The following METRN variants were observed in gnomAD, a reference collection of about 807,000 sequenced individuals.
The protein encoded by METRN is meteorin.
METRN carries 17 observed loss-of-function variants against 17.4 expected under a neutral mutation model. That is an observed-to-expected ratio of 0.98 (90% confidence interval 0.67 to 1.46). METRN has a LOEUF of 1.46. Among genes scored for constraint, METRN ranks in the 40% most tolerant of loss-of-function variants. The pLI, the probability that METRN is intolerant of heterozygous loss-of-function variation, is 0.00. For synonymous variants in METRN, 230 were observed against 210.8 expected (o/e 1.09, Z -0.79); for missense variants, 489 against 456.2 (o/e 1.07, Z -0.65).
In METRN at chr16:718,054, C is replaced by T. The variant is rs1349802402; in HGVS notation, c.*667C>T. 1.3e-5 allele frequency: 2 copies of T among 152,334 alleles called. No individual in the cohort carries two copies. Among genetic ancestry groups the T allele is most frequent in the Non-Finnish European group, 2.9e-5 (2 of 68,110 alleles). 9.4% of individuals were successfully genotyped at this position (152,334 alleles called of 1,614,324 possible). ...CCCTTCGACGTGCTGAGCATCCAGA[C>T]GTGGCGAGGAGCCCGAAGGGTGTGG... On this transcript the variant is annotated 3_prime_UTR_variant, in exon 4 of 4. Coordinates refer to ENST00000568223, the MANE Select transcript of METRN (RefSeq NM_024042.4).
rs1011485123 is a variant in METRN at position 715,609 on chromosome 16, GTGGGGCAGCTGGCCC to G, written c.134_148del (p.Gly45_Leu49del). The G allele has an allele frequency of 2.9e-6, 4 of 1,402,602 alleles. No individual in the cohort carries two copies. The African/African-American group carries it at 6.0e-5, about 21-fold the overall frequency. 86.9% of individuals were successfully genotyped at this position (1,402,602 alleles called of 1,614,324 possible). A position where few individuals can be genotyped will look rare whatever the true frequency, so the allele number is the denominator to read the frequency against. ...CGGCCTCACCCAGGAGCCCGGCAGC[GTGGGGCAGCTGGCCC>G]TGGCCTGTGCGGAGGGCGCGGTTGA... is the stretch of plus-strand genomic sequence containing the variant. On this transcript the variant is annotated inframe_deletion, in exon 2 of 4. Coordinates refer to ENST00000568223, the MANE Select transcript of METRN (RefSeq NM_024042.4).
rs933325060 is a variant in METRN, at chr16:715,460, C to T, written c.104+67C>T. 2.2e-5 allele frequency: 28 copies of T among 1,255,952 alleles called. No individual in the cohort carries two copies. In the East Asian group the frequency reaches 6.8e-4, roughly 30 times the overall value. 77.8% of individuals were successfully genotyped at this position (1,255,952 alleles called of 1,614,324 possible). Reference sequence around the variant, plus strand: ...GCTGCGGCTAGGACCCCCCAGGCGCCCCTCGGAGCGCGCAGAGCGCTGGGC... The same window carrying T: ...GCTGCGGCTAGGACCCCCCAGGCGCTCCTCGGAGCGCGCAGAGCGCTGGGC... On this transcript the variant is annotated intron_variant, in intron 1 of 3. Transcript: ENST00000568223.
In METRN at chr16:718,758, C is replaced by T. The variant is rs557604689; in HGVS notation, c.*1371C>T. On this transcript the variant is annotated 3_prime_UTR_variant, in exon 4 of 4. Coordinates refer to ENST00000568223, the MANE Select transcript of METRN (RefSeq NM_024042.4). Reference sequence around the variant, plus strand: ...GGGGGTTCTCCCACCTTCTGCCCCTCCTCAGGTTCCTTGCTGCTTCTCTCC... The same window carrying T: ...GGGGGTTCTCCCACCTTCTGCCCCTTCTCAGGTTCCTTGCTGCTTCTCTCC... 1.3e-5 allele frequency: 2 copies of T among 152,604 alleles called. No individual in the cohort carries two copies. Among genetic ancestry groups the T allele is most frequent in the South Asian group, 2.1e-4 (1 of 4,836 alleles). 9.5% of individuals were successfully genotyped at this position (152,604 alleles called of 1,614,324 possible). A position where few individuals can be genotyped will look rare whatever the true frequency, so the allele number is the denominator to read the frequency against.
chr16:717,280 T>C lies in METRN; in HGVS notation c.775T>C (p.Phe259Leu), dbSNP rs1323162882. Residue 259 changes from phenylalanine to leucine, a missense_variant, in exon 4 of 4, where the codon TTT becomes CTT. By Grantham distance (22) the Phe-to-Leu change is conservative. Coordinates refer to ENST00000568223, the MANE Select transcript of METRN (RefSeq NM_024042.4). ...GTFLFMGWSR[F>L]GEARLGCAPR... ...CTTCCTCTTCATGGGCTGGAGCCGC[T>C]TTGGGGAGGCCCGGCTGGGCTGTGC... 6.5e-7 allele frequency: 1 copy of C among 1,546,530 alleles called. No homozygotes were observed. The highest frequency in any genetic ancestry group is 8.7e-7 in the Non-Finnish European group (1 of 1,148,440).
In METRN at chr16:716,949, C is replaced by A; in HGVS notation, c.522C>A (p.Cys174Ter). The stretch of plus-strand genomic sequence containing the variant: ...GCATGCCAGGTGCCTGCAGGCCCTG[C>A]AGCGACGCTGAGCTGCTCCTGGCCG... Reference protein sequence around the residue: ...GLGVDGACRPCSDAELLLAAC... With the variant: ...GLGVDGACRP The change falls in exon 3 of 4, where the codon TGC becomes TGA. Residue 174 changes from cysteine to a stop codon, truncating the protein, a stop_gained. Transcript: ENST00000568223. LOFTEE classifies it low-confidence loss of function (END_TRUNC). 6.4e-7 allele frequency: 1 copy of A among 1,572,192 alleles called. No homozygotes were observed.
chr16:716,340 C>T (rs1451122082), intron 2 of METRN: 2 of 1,407,546 alleles, frequency 1.4e-6, no homozygotes, highest in East Asian at 2.6e-5. Context: ...TGACCTCTCT[C>T]CCCTCCCCCA....
chr16:715,956 C>T lies in METRN; in HGVS notation c.477C>T (p.Pro159=). The change falls in exon 2 of 4, where the codon CCC becomes CCT. Residue 159 remains proline (P), a synonymous_variant. Transcript: ENST00000568223. ...ELREDGRPEL[P]PQAHGLGVDG... ...GCGAGGACGGGCGCCCCGAGCTGCC[C>T]CCGCAGGCCCACGGTCTCGGCGTAG... The T allele has an allele frequency of 3.3e-6, 5 of 1,499,730 alleles. No individual in the cohort carries two copies. Among genetic ancestry groups the T allele is most frequent in the Middle Eastern group, 1.7e-4 (1 of 5,846 alleles). 92.9% of individuals were successfully genotyped at this position (1,499,730 alleles called of 1,614,324 possible).
rs986187286 is a variant in METRN at position 715,310 on chromosome 16, G to C, written c.21G>C (p.Ala7=). 6.7e-6 allele frequency: 9 copies of C among 1,341,896 alleles called. No individual in the cohort carries two copies. In the African/African-American group the frequency reaches 1.1e-4, roughly 16 times the overall value. The allele number at this position is 1,341,896 out of a possible 1,614,324, so 83.1% of individuals were successfully genotyped here. A position where few individuals can be genotyped will look rare whatever the true frequency, so the allele number is the denominator to read the frequency against. The part of the protein sequence containing the change: MGFPAA[A]LLCALCCGLL... ...GTGCCATGGGGTTCCCGGCCGCGGCGCTGCTCTGCGCGCTGTGCTGCGGCC... is the reference window on the plus strand; with the variant it reads ...GTGCCATGGGGTTCCCGGCCGCGGCCCTGCTCTGCGCGCTGTGCTGCGGCC... The change falls in exon 1 of 4, where the codon GCG becomes GCC. Residue 7 remains alanine (A), a synonymous_variant. Coordinates refer to ENST00000568223, the MANE Select transcript of METRN (RefSeq NM_024042.4).
At chr16:716,648 C>T (rs774958643) in intron 2 of METRN, 40 of 1,535,304 alleles carry the variant, frequency 2.6e-5, no homozygotes, top group South Asian at 4.8e-5. Context: ...TGCAGGAGGG[C>T]GGCCCAGGAC....
Position 717,562 on chromosome 16 carries a change from C to T in METRN, c.*175C>T. 1 of 517,744 alleles carries T rather than the reference C, an allele frequency of 1.9e-6. No homozygotes were observed. The highest frequency in any genetic ancestry group is 3.1e-6 in the Non-Finnish European group (1 of 322,024). 32.1% of individuals were successfully genotyped at this position (517,744 alleles called of 1,614,324 possible). ...GTGAGGATGGCTCCAATTCCTGCCTCCTGGCGGGAGACTGAGGCTCAGGGG... is the reference window on the plus strand; with the variant it reads ...GTGAGGATGGCTCCAATTCCTGCCTTCTGGCGGGAGACTGAGGCTCAGGGG... On this transcript the variant is annotated 3_prime_UTR_variant, in exon 4 of 4. Transcript: ENST00000568223.
chr16:717,535 CTG>C lies in METRN; in HGVS notation c.*151_*152del. 1 of 680,660 alleles carries C rather than the reference CTG, an allele frequency of 1.5e-6. No homozygotes were observed. The highest frequency in any genetic ancestry group is 2.1e-6 in the Non-Finnish European group (1 of 468,138). 42.2% of individuals were successfully genotyped at this position (680,660 alleles called of 1,614,324 possible). On this transcript the variant is annotated 3_prime_UTR_variant, in exon 4 of 4. Transcript: ENST00000568223. ...GCCCAGCCTTGGGCCTGCCTCGCAGCTGTGAGGATGGCTCCAATTCCTGCCTC... is the reference window on the plus strand; with the variant it reads ...GCCCAGCCTTGGGCCTGCCTCGCAGCTGAGGATGGCTCCAATTCCTGCCTC...
At chr16:716,029 T>C (rs367733364) in intron 2 of METRN, 45 bp downstream of exon 2, 32 of 1,399,400 alleles carry the variant, frequency 2.3e-5, no homozygotes, top group Middle Eastern at 3.7e-4. Context: ...CCCGAAGTCT[T>C]ACCCTGCCTG....
chr16:715,676 G>A lies in METRN; in HGVS notation c.197G>A (p.Arg66His). The change falls in exon 2 of 4, where the codon CGC becomes CAC. Residue 66 changes from arginine (R) to histidine (H), a missense_variant. Physicochemically the swap from Arg to His is conservative, Grantham distance 29 (BLOSUM62 0). Coordinates refer to ENST00000568223, the MANE Select transcript of METRN (RefSeq NM_024042.4). ...VEWLYPAGAL[R>H]LTLGGPDPRA... Reference sequence around the variant, plus strand: ...TGGCTGTACCCGGCTGGGGCGCTGCGCCTGACCCTGGGCGGCCCCGATCCC... The same window carrying A: ...TGGCTGTACCCGGCTGGGGCGCTGCACCTGACCCTGGGCGGCCCCGATCCC... 1 of 1,422,048 alleles carries A rather than the reference G, an allele frequency of 7.0e-7. No homozygotes were observed. The highest frequency in any genetic ancestry group is 3.1e-5 in the East Asian group (1 of 32,648). The allele number at this position is 1,422,048 out of a possible 1,614,324, so 88.1% of individuals were successfully genotyped here. A position where few individuals can be genotyped will look rare whatever the true frequency, so the allele number is the denominator to read the frequency against.
At position 717,179 on chromosome 16, in the gene METRN, C is replaced by G. The variant is rs201553505; in HGVS notation, c.674C>G (p.Ala225Gly). Residue 225 changes from alanine (A) to glycine (G), a missense_variant, in exon 4 of 4, where the codon GCG becomes GGG. Physicochemically the swap from Ala to Gly is moderately conservative, Grantham distance 60 (BLOSUM62 0). Coordinates refer to ENST00000568223, the MANE Select transcript of METRN (RefSeq NM_024042.4). ...VLRQTPPLFQ[A>G]GRSGDQGLTS... ...CGCCAGACACCGCCGCTGTTCCAGG[C>G]GGGGCGATCCGGGGACCAGGGGCTG... is the stretch of plus-strand genomic sequence containing the variant. The G allele has an allele frequency of 1.9e-6, 3 of 1,601,732 alleles. No homozygotes were observed. The highest frequency in any genetic ancestry group is 1.7e-5 in the Admixed American group (1 of 58,888).
chr16:718,129 G>A lies in METRN; in HGVS notation c.*742G>A, dbSNP rs1321222071. ...GTTGCCTGTTTCCGGCGGGCGGGGT[G>A]CACAATGGGGTCTCTAAGGACCGTT... On this transcript the variant is annotated 3_prime_UTR_variant, in exon 4 of 4. Coordinates refer to ENST00000568223, the MANE Select transcript of METRN (RefSeq NM_024042.4). 1.3e-5 allele frequency: 2 copies of A among 152,304 alleles called. No homozygotes were observed. Among genetic ancestry groups the A allele is most frequent in the Non-Finnish European group, 2.9e-5 (2 of 68,092 alleles). 9.4% of individuals were successfully genotyped at this position (152,304 alleles called of 1,614,324 possible). A position where few individuals can be genotyped will look rare whatever the true frequency, so the allele number is the denominator to read the frequency against.
In METRN at chr16:715,128, C is replaced by G. The variant is rs571377216; in HGVS notation, c.-162C>G. ...TTCCCGACCCGCTCCAAGGCGGCCC[C>G]GGCGCTGGGGCTGCGCGGCAGGCGG... On this transcript the variant is annotated 5_prime_UTR_variant, in exon 1 of 4. Transcript: ENST00000568223. 11 of 160,190 alleles carry G rather than the reference C, an allele frequency of 6.9e-5. No individual in the cohort carries two copies. The highest frequency in any genetic ancestry group is 2.0e-4 in the South Asian group (1 of 5,028). The allele number at this position is 160,190 out of a possible 1,614,324, so 9.9% of individuals were successfully genotyped here.
Position 717,747 on chromosome 16 carries a change from T to G in METRN, c.*360T>G. ...TCTGCTGCACCCACCAGCCCCGTCC[T>G]TGCCCGCACCCTTGCCTGCTTCCCT... On this transcript the variant is annotated 3_prime_UTR_variant, in exon 4 of 4. Transcript: ENST00000568223. 8.8e-6 allele frequency: 2 copies of G among 227,472 alleles called. No individual in the cohort carries two copies. Among genetic ancestry groups the G allele is most frequent in the Non-Finnish European group, 1.7e-5 (2 of 117,360 alleles). The allele number at this position is 227,472 out of a possible 1,614,324, so 14.1% of individuals were successfully genotyped here.
rs199816286 is a variant in METRN at position 717,337 on chromosome 16, G to A, written c.832G>A (p.Glu278Lys). 2.1e-5 allele frequency: 31 copies of A among 1,487,432 alleles called. No homozygotes were observed. In the East Asian group the frequency reaches 5.6e-4, roughly 27 times the overall value. The allele number at this position is 1,487,432 out of a possible 1,614,324, so 92.1% of individuals were successfully genotyped here. Residue 278 changes from glutamate (E) to lysine (K), a missense_variant, in exon 4 of 4, where the codon GAG (glutamate) becomes AAG (lysine). Coordinates refer to ENST00000568223, the MANE Select transcript of METRN (RefSeq NM_024042.4). ...ATTCCAGGAGTTCCGCCGTGCCTAC[G>A]AGGCTGCCCGTGCTGCCCACCTCCA... ...PRFQEFRRAY[E>K]AARAAHLHPC...
chr16:715,581 C>T lies in METRN; in HGVS notation c.105-3C>T. ...TCAGCGCCCCGTCCCGTCCTGTCCC[C>T]AGCGGCCTCACCCAGGAGCCCGGCA... On this transcript the variant is annotated splice_polypyrimidine_tract_variant and splice_region_variant and intron_variant, in intron 1 of 3. Coordinates refer to ENST00000568223, the MANE Select transcript of METRN (RefSeq NM_024042.4). 3 of 1,350,764 alleles carry T rather than the reference C, an allele frequency of 2.2e-6. No homozygotes were observed. The highest frequency in any genetic ancestry group is 3.6e-5 in the South Asian group (2 of 54,802). 83.7% of individuals were successfully genotyped at this position (1,350,764 alleles called of 1,614,324 possible).
Sources: gnomAD v4.1 joint callset for allele counts on GRCh38, gnomAD v4.1.1 for gene constraint, MANE v1.5 for transcripts, NCBI Gene and HGNC (gene_info 2026-07-23, HGNC 2026-07-21) for gene names.